The following PAPSS1 variants were observed in gnomAD, a reference collection of about 807,000 sequenced individuals.
PAPSS1 encodes the protein bifunctional 3'-phosphoadenosine 5'-phosphosulfate synthase 1.
In PAPSS1, 50 loss-of-function variants were observed where a neutral mutation model predicts 72.0. That is an observed-to-expected ratio of 0.69 (90% confidence interval 0.55 to 0.88). The LOEUF is 0.88. Among genes scored for constraint, PAPSS1 ranks in the 40% least tolerant of loss-of-function variants. PAPSS1 has a pLI of 0.00. For synonymous variants in PAPSS1, 261 were observed against 263.6 expected (o/e 0.99, Z 0.09); for missense variants, 657 against 782.2 (o/e 0.84, Z 1.91).
At chr4:107,693,171 G>A (rs17618761) in intron 3 of PAPSS1, among the ~76,000 whole-genome samples, 41,692 of 152,008 alleles carry the variant, frequency 0.27, 6,836 homozygotes, top group East Asian at 0.46. Context: ...AATGTGTTAA[G>A]GTACCTAACC....
intron 9 of PAPSS1, among the ~76,000 whole-genome samples, chr4:107,649,926 T>C (rs1445991778): frequency 1.3e-5 from 2 of 152,234 alleles, no homozygotes; most frequent in Non-Finnish European, 2.9e-5. Flanking sequence ...CAATCATCGG[T>C]AATTCAAAGA....
At chr4:107,687,763 T>C (rs1224616069) in intron 3 of PAPSS1, among the ~76,000 whole-genome samples, 1 of 152,166 alleles carries the variant, frequency 6.6e-6, no homozygotes, top group East Asian at 1.9e-4. Context: ...CAACCTTTTC[T>C]TCTTTCTGGT....
At position 107,657,009 on chromosome 4, in the gene PAPSS1, T is replaced by C. The variant is rs1373597339; in HGVS notation, c.784-2A>G. On this transcript the variant is annotated splice_acceptor_variant, in intron 6 of 11. Coordinates refer to ENST00000265174, the MANE Select transcript of PAPSS1 (RefSeq NM_005443.5). LOFTEE classifies it high-confidence loss of function. ...AACCTGCACCCACTGCATATCCACC[T>C]AGTAAATTTGAAAGTAAAGCAAAAT... The C allele has an allele frequency of 6.2e-7, 1 of 1,609,144 alleles. No individual in the cohort carries two copies.
At chr4:107,659,051 C>T (rs973213) in intron 6 of PAPSS1, among the ~76,000 whole-genome samples, 10,689 of 152,262 alleles carry the variant, frequency 0.07, 414 homozygotes, top group East Asian at 0.1. Context: ...CCTTTGTCTG[C>T]GTGTATTCAC....
intron 1 of PAPSS1, among the ~76,000 whole-genome samples, chr4:107,702,505 C>T (rs1302849391): frequency 3.9e-5 from 6 of 152,166 alleles, no homozygotes; most frequent in Admixed American, 6.5e-5. Context: ...TCCTCCTCGA[C>T]CCCCACTCGA....
chr4:107,637,491 G>A (rs1245864350), intron 10 of PAPSS1, among the ~76,000 whole-genome samples: 2 of 152,016 alleles, frequency 1.3e-5, no homozygotes, highest in African/African-American at 2.4e-5. Flanking sequence ...CACACCTGAC[G>A]GTTGAGAAAT....
chr4:107,662,618 C>A (rs1727213827), intron 5 of PAPSS1, among the ~76,000 whole-genome samples: 1 of 151,662 alleles, frequency 6.6e-6, no homozygotes, highest in Admixed American at 6.6e-5. Flanking sequence ...AAAAAGGACT[C>A]TTCCTTAAAT....
intron 6 of PAPSS1, 24 bp downstream of exon 6, chr4:107,659,935 T>A: frequency 1.6e-6 from 2 of 1,250,842 alleles, no homozygotes; most frequent in Non-Finnish European, 2.3e-6. Flanking sequence ...TATCACTTAG[T>A]GTGAAAAGCA....
At chr4:107,618,085 G>A (rs929557528) in intron 11 of PAPSS1, among the ~76,000 whole-genome samples, 5 of 152,118 alleles carry the variant, frequency 3.3e-5, no homozygotes, top group African/African-American at 9.7e-5. Flanking sequence ...TAAAAACTGA[G>A]TTTGAGAAAA....
At chr4:107,620,805 T>C (rs986052147) in intron 11 of PAPSS1, among the ~76,000 whole-genome samples, 1 of 152,190 alleles carries the variant, frequency 6.6e-6, no homozygotes, top group African/African-American at 2.4e-5. Flanking sequence ...GTTGATAGTT[T>C]TATAAAATGT....
chr4:107,654,657 G>A (rs953086406), intron 8 of PAPSS1, 38 bp downstream of exon 8: 2 of 1,511,792 alleles, frequency 1.3e-6, no homozygotes, highest in African/African-American at 2.8e-5. Flanking sequence ...AACATCATTG[G>A]CAAATCAAGA....
At chr4:107,623,790 TACCAGGGCA>T (rs1726028026) in intron 11 of PAPSS1, among the ~76,000 whole-genome samples, 1 of 152,214 alleles carries the variant, frequency 6.6e-6, no homozygotes, top group Admixed American at 6.5e-5. Flanking sequence ...TTGTTAGTTT[TACCAGGGCA>T]AAAGCAGCTT....
chr4:107,647,642 T>C lies in PAPSS1; in HGVS notation c.1238-2572A>G, dbSNP rs1258075082. Among the ~76,000 whole-genome samples, 3 of 152,212 alleles carry C rather than the reference T, an allele frequency of 2.0e-5. No individual in the cohort carries two copies. In the East Asian group the frequency reaches 5.8e-4, roughly 29 times the overall value. ...ACTGTCCTGAAAGCATGGTCTTTTG[T>C]TTTGTTTTGTGCAATCTTCCAGTTT... On this transcript the variant is annotated intron_variant, in intron 9 of 11. Transcript: ENST00000265174.
chr4:107,689,178 T>C (rs1323706677), intron 3 of PAPSS1, among the ~76,000 whole-genome samples: 1 of 152,182 alleles, frequency 6.6e-6, no homozygotes, highest in Non-Finnish European at 1.5e-5. Context: ...AATCTGACCA[T>C]CCTACTGAAC....
chr4:107,701,764 A>G (rs1172855569), intron 1 of PAPSS1, among the ~76,000 whole-genome samples: 1 of 152,228 alleles, frequency 6.6e-6, no homozygotes, highest in Admixed American at 6.5e-5. Flanking sequence ...TCAGAGAGTG[A>G]TAAGTGCACT....
chr4:107,709,921 CCT>C (rs1723443608), intron 1 of PAPSS1, among the ~76,000 whole-genome samples: 1 of 152,178 alleles, frequency 6.6e-6, no homozygotes, highest in South Asian at 2.1e-4. Context: ...TTGCAATTAC[CCT>C]GTCTTGATAA....
intron 1 of PAPSS1, among the ~76,000 whole-genome samples, chr4:107,717,918 C>G (rs1178732933): frequency 6.6e-6 from 1 of 152,196 alleles, no homozygotes. Context: ...CCACCTTACC[C>G]CAGCCCTTCA....
intron 9 of PAPSS1, among the ~76,000 whole-genome samples, chr4:107,646,647 G>A (rs964415388): frequency 2.0e-5 from 3 of 152,078 alleles, no homozygotes; most frequent in Non-Finnish European, 2.9e-5. Flanking sequence ...ACACACTGGT[G>A]AATAAAGCCA....
Position 107,613,960 on chromosome 4 carries a change from G to A in PAPSS1, c.*289C>T. 1 of 206,828 alleles carries A rather than the reference G, an allele frequency of 4.8e-6. No homozygotes were observed. Among genetic ancestry groups the A allele is most frequent in the Non-Finnish European group, 9.5e-6 (1 of 105,044 alleles). 12.8% of individuals were successfully genotyped at this position (206,828 alleles called of 1,614,324 possible). Reference sequence around the variant, plus strand: ...CTGGTTACAACTAATATAACAGCTTGAAAAAATCATGACACAGAAGCATAA... The same window carrying A: ...CTGGTTACAACTAATATAACAGCTTAAAAAAATCATGACACAGAAGCATAA... On this transcript the variant is annotated 3_prime_UTR_variant, in exon 12 of 12. Transcript: ENST00000265174.
Sources: gnomAD v4.1 joint callset for allele counts (sites outside exome capture counted in the v4.1 genomes callset) on GRCh38, gnomAD v4.1.1 for gene constraint, MANE v1.5 for transcripts, NCBI Gene and HGNC (gene_info 2026-07-23, HGNC 2026-07-21) for gene names.